Variants in CHSY3 observed in about 807,000 individuals in gnomAD.
CHSY3 encodes the protein N-acetylgalactosaminyl-proteoglycan 3-beta-glucuronosyltransferase 3.
CHSY3 carries 35 observed loss-of-function variants against 67.2 expected under a neutral mutation model. That is an observed-to-expected ratio of 0.52 (90% confidence interval 0.40 to 0.69). The LOEUF (loss-of-function observed/expected upper bound fraction) is 0.69. Ranked by LOEUF, CHSY3 falls within the 30% of genes least tolerant of loss-of-function variation. The pLI is 0.00. For synonymous variants in CHSY3, 474 were observed against 434.7 expected, an observed-to-expected ratio of 1.09 and a Z score of -1.12; for missense variants, 1,069 against 1,138.5, an observed-to-expected ratio of 0.94 and a Z score of 0.88.
intron 2 of CHSY3, among the ~76,000 whole-genome samples, chr5:130,001,149 G>A (rs1763717309): frequency 1.3e-5 from 2 of 152,022 alleles, no homozygotes; most frequent in South Asian, 4.1e-4. Context: ...CAAAGTGCTG[G>A]AAAACAAGCA....
At chr5:130,110,177 T>A (rs1767546411) in intron 2 of CHSY3, among the ~76,000 whole-genome samples, 1 of 151,852 alleles carries the variant, frequency 6.6e-6, no homozygotes, top group Non-Finnish European at 1.5e-5. Context: ...GTTTTTGTAG[T>A]GACTTCAGAA....
At chr5:129,910,096 A>C (rs1760482189) in intron 2 of CHSY3, among the ~76,000 whole-genome samples, 1 of 151,974 alleles carries the variant, frequency 6.6e-6, no homozygotes, top group South Asian at 2.1e-4. Flanking sequence ...TTTTATTTAT[A>C]ATATAGGCCT....
In CHSY3 at chr5:130,050,041, C is replaced by A. The variant is rs188007222; in HGVS notation, c.1087-134188C>A. 2.8e-4 allele frequency among the ~76,000 whole-genome samples: 43 copies of A among 152,158 alleles called. No homozygotes were observed. The East Asian group carries it at 8.1e-3, about 29-fold the overall frequency. On this transcript the variant is annotated intron_variant, in intron 2 of 2. Transcript: ENST00000305031. ...ACCATGGAGAAACTTGTAGGTATGC[C>A]TGTAAGCTGTATCTCTTTAATATTT...
At chr5:130,143,710 A>ATG (rs1768946874) in intron 2 of CHSY3, among the ~76,000 whole-genome samples, 1 of 127,376 alleles carries the variant, frequency 7.9e-6, no homozygotes. Flanking sequence ...CCCATAGGGT[A>ATG]TATATATATA....
intron 2 of CHSY3, among the ~76,000 whole-genome samples, chr5:130,007,726 C>T (rs1440022194): frequency 1.3e-5 from 2 of 152,112 alleles, no homozygotes; most frequent in Non-Finnish European, 2.9e-5. Flanking sequence ...TTGCCAGTTA[C>T]ACTCACGCCT....
intron 2 of CHSY3, among the ~76,000 whole-genome samples, chr5:130,152,337 A>T (rs1769255836): frequency 6.6e-6 from 1 of 152,248 alleles, no homozygotes; most frequent in South Asian, 2.1e-4. Flanking sequence ...ATATTCAGTA[A>T]GAAACAGCTG....
At chr5:129,913,909 G>A (rs998102982) in intron 2 of CHSY3, among the ~76,000 whole-genome samples, 9 of 152,140 alleles carry the variant, frequency 5.9e-5, no homozygotes, top group Non-Finnish European at 1.2e-4. Flanking sequence ...CTTAAAGTCT[G>A]TAAACACCCT....
chr5:130,000,154 A>T (rs1047190710), intron 2 of CHSY3, among the ~76,000 whole-genome samples: 3 of 152,214 alleles, frequency 2.0e-5, no homozygotes, highest in Non-Finnish European at 2.9e-5. Flanking sequence ...ATGATTATGG[A>T]TAACATATGT....
At chr5:130,118,506 T>C (rs1580750308) in intron 2 of CHSY3, among the ~76,000 whole-genome samples, 1 of 151,714 alleles carries the variant, frequency 6.6e-6, no homozygotes, top group Non-Finnish European at 1.5e-5. Context: ...TGTGTGTATA[T>C]ATATATATAT....
chr5:130,051,328 C>CT (rs961732849), intron 2 of CHSY3, among the ~76,000 whole-genome samples: 5 of 151,866 alleles, frequency 3.3e-5, no homozygotes, highest in African/African-American at 9.7e-5. Flanking sequence ...CACTATAGAA[C>CT]TTTTTTTTAA....
intron 2 of CHSY3, among the ~76,000 whole-genome samples, chr5:130,143,438 TAGTA>T (rs1208320281): frequency 1.3e-5 from 2 of 152,040 alleles, no homozygotes; most frequent in Admixed American, 1.3e-4. Flanking sequence ...AATTTATACA[TAGTA>T]AGTGCTACTT....
At chr5:129,956,188 C>G (rs1022574291) in intron 2 of CHSY3, among the ~76,000 whole-genome samples, 2 of 152,064 alleles carry the variant, frequency 1.3e-5, no homozygotes, top group African/African-American at 2.4e-5. Context: ...TTCTCCAAAA[C>G]CTTGCGGCGT....
chr5:130,017,404 C>A (rs1439591238), intron 2 of CHSY3, among the ~76,000 whole-genome samples: 2 of 152,054 alleles, frequency 1.3e-5, no homozygotes, highest in Non-Finnish European at 2.9e-5. Flanking sequence ...CCCACTGCCT[C>A]TCCAGTAGGT....
chr5:130,068,076 T>C (rs1409880770), intron 2 of CHSY3, among the ~76,000 whole-genome samples: 1 of 152,136 alleles, frequency 6.6e-6, no homozygotes, highest in Non-Finnish European at 1.5e-5. Context: ...CATCACCTCT[T>C]CTCACCCCTT....
intron 2 of CHSY3, among the ~76,000 whole-genome samples, chr5:130,149,357 G>T (rs2149723398): frequency 6.6e-6 from 1 of 152,298 alleles, no homozygotes; most frequent in South Asian, 2.1e-4. Flanking sequence ...CTGCTTCTGA[G>T]GAGGCCTCTG....
At chr5:130,120,140 A>G (rs898229905) in intron 2 of CHSY3, among the ~76,000 whole-genome samples, 6 of 152,108 alleles carry the variant, frequency 3.9e-5, no homozygotes, top group Non-Finnish European at 7.4e-5. Flanking sequence ...GAAAATATAA[A>G]CTTTCACTTC....
At chr5:130,091,419 C>G (rs576052967) in intron 2 of CHSY3, among the ~76,000 whole-genome samples, 1 of 152,102 alleles carries the variant, frequency 6.6e-6, no homozygotes, top group African/African-American at 2.4e-5. Context: ...TTGACATAAA[C>G]TAACCAACAA....
intron 2 of CHSY3, among the ~76,000 whole-genome samples, chr5:130,008,525 A>C (rs1380876258): frequency 6.6e-6 from 1 of 152,234 alleles, no homozygotes; most frequent in Non-Finnish European, 1.5e-5. Flanking sequence ...AACAGATGGA[A>C]AAGAACTAGC....
chr5:130,173,069 G>C (rs1047220646), intron 2 of CHSY3, among the ~76,000 whole-genome samples: 1 of 152,052 alleles, frequency 6.6e-6, no homozygotes, highest in African/African-American at 2.4e-5. Flanking sequence ...GGGACTGAAA[G>C]TAACTTGAAA....
Sources: allele counts gnomAD v4.1 joint callset (sites outside exome capture counted in the v4.1 genomes callset), GRCh38; gene constraint gnomAD v4.1.1; transcripts MANE v1.5; gene names NCBI Gene and HGNC (gene_info 2026-07-23, HGNC 2026-07-21).